Variants in MINDY1 observed in about 807,000 individuals in gnomAD.
MINDY1 encodes ubiquitin carboxyl-terminal hydrolase MINDY-1.
In MINDY1, 50 loss-of-function variants were observed where a neutral mutation model predicts 53.6. That is an observed-to-expected ratio of 0.93 (90% CI 0.74 to 1.18). MINDY1 has a LOEUF of 1.18. MINDY1 is among the 50% of genes most tolerant of loss of function. The probability of loss-of-function intolerance (pLI) is 0.00; values close to 1 mark genes in which losing one functional copy is unlikely to be tolerated. For missense variants in MINDY1, 484 were observed against 578.6 expected, an observed-to-expected ratio of 0.84 and a Z score of 1.68; for synonymous variants, 231 against 234.7, an observed-to-expected ratio of 0.98 and a Z score of 0.14.
At chr1:151,005,396 A>T (rs1440551635) in intron 1 of MINDY1, among the ~76,000 whole-genome samples, 1 of 151,588 alleles carries the variant, frequency 6.6e-6, no homozygotes, top group East Asian at 1.9e-4. Flanking sequence ...AGGTTGCAGT[A>T]AGCCAAGATT....
At position 151,001,260 on chromosome 1, in the gene MINDY1, T is replaced by C. The variant is rs754295869; in HGVS notation, c.566A>G (p.Asn189Ser). The C allele has an allele frequency of 1.2e-6, 2 of 1,614,146 alleles. No homozygotes were observed. Among genetic ancestry groups the C allele is most frequent in the East Asian group, 2.2e-5 (1 of 44,882 alleles). Residue 189 changes from asparagine (N) to serine (S), a missense_variant, in exon 4 of 10, where the codon AAT becomes AGT. Transcript: ENST00000683666. ...GACCTTTTGCCTCACCTGCTGAAAA[T>C]TAAGCTGAAGTCCCTCTGACTTCTC... ...PQEKSEGLQL[N>S]FQQNVDDAMT...
chr1:151,003,276 A>G (rs1436367397), intron 1 of MINDY1, among the ~76,000 whole-genome samples: 1 of 152,132 alleles, frequency 6.6e-6, no homozygotes, highest in African/African-American at 2.4e-5. Flanking sequence ...GTCACATAGT[A>G]CTTGGGGTGA....
Position 151,002,535 on chromosome 1 carries a change from A to G in MINDY1, c.83T>C (p.Leu28Pro). ...CTGAGGGTGCTCATCTGGGCCTGCCAGAACCTCATGGTTTTCAGGGATGAC... is the reference window on the plus strand; with the variant it reads ...CTGAGGGTGCTCATCTGGGCCTGCCGGAACCTCATGGTTTTCAGGGATGAC... ...EAVIPENHEV[L>P]AGPDEHPQDT... is the part of the protein sequence containing the mutation. Residue 28 changes from leucine (L) to proline (P), a missense_variant, in exon 2 of 10, where the codon CTG becomes CCG. By Grantham distance (98) the Leu-to-Pro change is moderately conservative (BLOSUM62 -3). Transcript: ENST00000683666. The surrounding 1 kb of genome is among the most constrained non-coding windows in gnomAD (Gnocchi z 4.1). 1 of 1,614,224 alleles carries G rather than the reference A, an allele frequency of 6.2e-7. No individual in the cohort carries two copies. The highest frequency in any genetic ancestry group is 8.5e-7 in the Non-Finnish European group (1 of 1,180,036).
rs1320145935 is a variant in MINDY1, at chr1:150,999,879, G to C, written c.821C>G (p.Thr274Ser). 3 of 1,613,950 alleles carry C rather than the reference G, an allele frequency of 1.9e-6. No homozygotes were observed. Among genetic ancestry groups the C allele is most frequent in the Non-Finnish European group, 2.5e-6 (3 of 1,179,964 alleles). The part of the protein sequence containing the change: ...RIITCKHSSD[T>S]NLVTEGLIAE... ...AATGTCACCTTCTGTCACGAGGTTG[G>C]TGTCACTGGAGTGTTTGCAGGTGAT... is the stretch of plus-strand genomic sequence containing the variant. Residue 274 changes from threonine (T) to serine (S), a missense_variant, in exon 6 of 10, where the codon ACC becomes AGC. Physicochemically the swap from Thr to Ser is moderately conservative, Grantham distance 58. Transcript: ENST00000683666. The surrounding 1 kb of genome is among the most constrained non-coding windows in gnomAD (Gnocchi z 4.4).
chr1:151,008,261 G>C (rs1673438736), upstream of MINDY1: 2 of 1,195,798 alleles, frequency 1.7e-6, no homozygotes, highest in Non-Finnish European at 2.1e-6. Flanking sequence ...TTTGTTTACC[G>C]AACGACTGAT....
intron 4 of MINDY1, among the ~76,000 whole-genome samples, 158 bp from the exon 5 acceptor site, chr1:151,000,773 T>G (rs1018558670): frequency 3.3e-5 from 5 of 152,168 alleles, no homozygotes; most frequent in Non-Finnish European, 7.3e-5. Context: ...CTATCTTATA[T>G]AAATGAACAT....
In MINDY1 at chr1:151,000,609, C is replaced by A. The variant is rs1430201263; in HGVS notation, c.583G>T (p.Asp195Tyr). ...TTAGGCAGCACTGTCATTGCATCATCCACATTCTGGGGGTAGAAAAAAAAA... is the reference window on the plus strand; with the variant it reads ...TTAGGCAGCACTGTCATTGCATCATACACATTCTGGGGGTAGAAAAAAAAA... ...GLQLNFQQNV[D>Y]DAMTVLPKLA... is the part of the protein sequence containing the mutation. The change falls in exon 5 of 10, where the codon GAT (aspartate) becomes TAT (tyrosine). Residue 195 changes from aspartate to tyrosine, a missense_variant. Physicochemically the swap from Asp to Tyr is radical, Grantham distance 160. Coordinates refer to ENST00000683666, the MANE Select transcript of MINDY1 (RefSeq NM_001376665.1). 6.2e-7 allele frequency: 1 copy of A among 1,609,904 alleles called. No homozygotes were observed. Among genetic ancestry groups the A allele is most frequent in the East Asian group, 2.2e-5 (1 of 44,854 alleles).
intron 4 of MINDY1, among the ~76,000 whole-genome samples, 184 bp from the exon 5 acceptor site, chr1:151,000,799 G>A (rs964386860): frequency 2.6e-5 from 4 of 152,078 alleles, no homozygotes; most frequent in African/African-American, 9.7e-5. Flanking sequence ...TTCTTTGAGA[G>A]TCTAAGTCTA....
intron 1 of MINDY1, among the ~76,000 whole-genome samples, chr1:151,004,198 C>A (rs1229694719): frequency 6.6e-6 from 1 of 151,648 alleles, no homozygotes; most frequent in Non-Finnish European, 1.5e-5. Flanking sequence ...GCTGGGATTA[C>A]AGGCATGAGC....
chr1:151,002,478 G>C lies in MINDY1; in HGVS notation c.140C>G (p.Ala47Gly). 1 of 1,614,200 alleles carries C rather than the reference G, an allele frequency of 6.2e-7. No individual in the cohort carries two copies. Among genetic ancestry groups the C allele is most frequent in the Non-Finnish European group, 8.5e-7 (1 of 1,180,032 alleles). ...DTDARDADGE[A>G]REREPADQAL... ...TTGGTCTGCTGGCTCCCGTTCTCTA[G>C]CCTCCCCATCAGCATCTCTTGCATC... Residue 47 changes from alanine (A) to glycine (G), a missense_variant, in exon 2 of 10, where the codon GCT becomes GGT. Physicochemically the swap from Ala to Gly is moderately conservative, Grantham distance 60. Coordinates refer to ENST00000683666, the MANE Select transcript of MINDY1 (RefSeq NM_001376665.1). The surrounding 1 kb of genome is among the most constrained non-coding windows in gnomAD (Gnocchi z 4.1).
chr1:150,999,771 G>T lies in MINDY1; in HGVS notation c.838+91C>A. 2 of 1,175,474 alleles carry T rather than the reference G, an allele frequency of 1.7e-6. No homozygotes were observed. The highest frequency in any genetic ancestry group is 2.5e-6 in the Non-Finnish European group (2 of 808,358). The allele number at this position is 1,175,474 out of a possible 1,614,324, so 72.8% of individuals were successfully genotyped here. On this transcript the variant is annotated intron_variant, in intron 6 of 9. Transcript: ENST00000683666. The surrounding 1 kb of genome is among the most constrained non-coding windows in gnomAD (Gnocchi z 4.4). ...TTCTTGTGAAGCTTATATCTAGTGG[G>T]ATGTGGTAGGAGATGACACCCAATA...
At position 150,999,959 on chromosome 1, in the gene MINDY1, A is replaced by G; in HGVS notation, c.741T>C (p.Pro247=). ...GTTTCCCAACTGCACGCACAGCCTCAGGACTCTGCTTGGGTAGTGGGATGT... is the reference window on the plus strand; with the variant it reads ...GTTTCCCAACTGCACGCACAGCCTCGGGACTCTGCTTGGGTAGTGGGATGT... ...YHGWLVDPQS[P]EAVRAVGKLS... The change falls in exon 6 of 10, where the codon CCT becomes CCC. Residue 247 remains proline, a synonymous_variant. Coordinates refer to ENST00000683666, the MANE Select transcript of MINDY1 (RefSeq NM_001376665.1). This position sits in a 1 kb window ranked among gnomAD's most constrained non-coding sequence, Gnocchi z 4.4. The G allele has an allele frequency of 6.2e-7, 1 of 1,613,590 alleles. No individual in the cohort carries two copies.
rs1328431913 is a variant in MINDY1, at chr1:151,001,419, A to C, written c.512-105T>G. The C allele has an allele frequency of 5.4e-6, 7 of 1,301,738 alleles. No homozygotes were observed. The African/African-American group carries it at 1.0e-4, about 19-fold the overall frequency. The allele number at this position is 1,301,738 out of a possible 1,614,324, so 80.6% of individuals were successfully genotyped here. Reference sequence around the variant, plus strand: ...GTAATGTCACAGAACACAGATTTTCAGAGCTGGAAAATACTTAGAGTCTAA... The same window carrying C: ...GTAATGTCACAGAACACAGATTTTCCGAGCTGGAAAATACTTAGAGTCTAA... On this transcript the variant is annotated intron_variant, in intron 3 of 9. Transcript: ENST00000683666.
At chr1:151,003,621 G>A (rs1448858245) in intron 1 of MINDY1, among the ~76,000 whole-genome samples, 1 of 151,976 alleles carries the variant, frequency 6.6e-6, no homozygotes, top group East Asian at 1.9e-4. Flanking sequence ...TGTTGCCTAG[G>A]CTGGTCTTAA....
In MINDY1 at chr1:150,999,793, A is replaced by G; in HGVS notation, c.838+69T>C. 7.3e-7 allele frequency: 1 copy of G among 1,366,616 alleles called. No homozygotes were observed. The highest frequency in any genetic ancestry group is 1.2e-5 in the South Asian group (1 of 83,494). The allele number at this position is 1,366,616 out of a possible 1,614,324, so 84.7% of individuals were successfully genotyped here. A position where few individuals can be genotyped will look rare whatever the true frequency, so the allele number is the denominator to read the frequency against. Reference sequence around the variant, plus strand: ...TGGGATGTGGTAGGAGATGACACCCAATAAAAAATAAGCCTAAGTAGCTGT... The same window carrying G: ...TGGGATGTGGTAGGAGATGACACCCGATAAAAAATAAGCCTAAGTAGCTGT... On this transcript the variant is annotated intron_variant, in intron 6 of 9. Coordinates refer to ENST00000683666, the MANE Select transcript of MINDY1 (RefSeq NM_001376665.1). The surrounding 1 kb of genome is among the most constrained non-coding windows in gnomAD (Gnocchi z 4.4).
chr1:151,001,159 C>T lies in MINDY1; in HGVS notation c.576+91G>A, dbSNP rs1019513190. 27 of 1,327,336 alleles carry T rather than the reference C, an allele frequency of 2.0e-5. No individual in the cohort carries two copies. In the Admixed American group the frequency reaches 2.6e-4, roughly 13 times the overall value. The allele number at this position is 1,327,336 out of a possible 1,614,324, so 82.2% of individuals were successfully genotyped here. A position where few individuals can be genotyped will look rare whatever the true frequency, so the allele number is the denominator to read the frequency against. ...GAATGAAATCATGGTTCAAGGAAAC[C>T]TCTGAAGAAGCAACAAAAGCTTATC... On this transcript the variant is annotated intron_variant, in intron 4 of 9. Coordinates refer to ENST00000683666, the MANE Select transcript of MINDY1 (RefSeq NM_001376665.1).
chr1:151,000,923 C>A (rs936997190), intron 4 of MINDY1, among the ~76,000 whole-genome samples: 1 of 151,970 alleles, frequency 6.6e-6, no homozygotes, highest in Non-Finnish European at 1.5e-5. Context: ...GGACTACAGG[C>A]ACGCACCGCC....
chr1:151,002,689 G>T lies in MINDY1; in HGVS notation c.-72C>A. The T allele has an allele frequency of 6.2e-7, 1 of 1,608,754 alleles. No individual in the cohort carries two copies. The highest frequency in any genetic ancestry group is 2.2e-5 in the East Asian group (1 of 44,708). ...TCAGGGACTTGCCTAAGCCAGGCTT[G>T]GGATGCAAAAGAGTGACCTGTCCAA... On this transcript the variant is annotated 5_prime_UTR_variant, in exon 2 of 10. Coordinates refer to ENST00000683666, the MANE Select transcript of MINDY1 (RefSeq NM_001376665.1). This position sits in a 1 kb window ranked among gnomAD's most constrained non-coding sequence, Gnocchi z 4.1.
chr1:150,999,715 C>T lies in MINDY1; in HGVS notation c.838+147G>A. 1.1e-6 allele frequency: 1 copy of T among 948,582 alleles called. No individual in the cohort carries two copies. Among genetic ancestry groups the T allele is most frequent in the Non-Finnish European group, 1.6e-6 (1 of 638,392 alleles). The allele number at this position is 948,582 out of a possible 1,614,324, so 58.8% of individuals were successfully genotyped here. On this transcript the variant is annotated intron_variant, in intron 6 of 9. Coordinates refer to ENST00000683666, the MANE Select transcript of MINDY1 (RefSeq NM_001376665.1). This position sits in a 1 kb window ranked among gnomAD's most constrained non-coding sequence, Gnocchi z 4.4. The stretch of plus-strand genomic sequence containing the variant: ...CTTGTGCCAGGCACTGGGGATACCT[C>T]AATGAACTAAACAGAAATTCCCCAA...
Sources: allele counts gnomAD v4.1 joint callset (sites outside exome capture counted in the v4.1 genomes callset), GRCh38; gene constraint gnomAD v4.1.1; non-coding constraint Gnocchi (gnomAD v3.1); transcripts MANE v1.5; gene names NCBI Gene and HGNC (gene_info 2026-07-23, HGNC 2026-07-21).